Variants in ESRRG observed in about 807,000 individuals in gnomAD.
ESRRG encodes estrogen related receptor gamma.
ESRRG carries 13 observed loss-of-function variants against 44.0 expected under a neutral mutation model. The observed-to-expected ratio is 0.30, with a 90% CI of 0.19 to 0.47. ESRRG has a LOEUF of 0.47. Among genes scored for constraint, ESRRG ranks in the 20% least tolerant of loss-of-function variants. The pLI is 1.00. For synonymous variants in ESRRG, 215 were observed against 214.6 expected, an observed-to-expected ratio of 1.00 and a Z score of -0.02; for missense variants, 395 against 580.6, an observed-to-expected ratio of 0.68 and a Z score of 3.29.
In ESRRG at chr1:216,564,259, T is replaced by C; in HGVS notation, c.822A>G (p.Arg274=). The C allele has an allele frequency of 6.3e-7, 1 of 1,587,428 alleles. No homozygotes were observed. The highest frequency in any genetic ancestry group is 8.6e-7 in the Non-Finnish European group (1 of 1,167,466). The change falls in exon 5 of 7, where the codon CGA becomes CGG. Residue 274 remains arginine (R), a synonymous_variant. Transcript: ENST00000408911. ...CCCATCCAATGATAACCACCAACTC[T>C]CGGTCGGCCAAGTCACACAGTGTAG... ...ALTTLCDLAD[R]ELVVIIGWAK...
intron 1 of ESRRG, among the ~76,000 whole-genome samples, chr1:217,128,873 T>TA (rs1434870132): frequency 2.6e-5 from 4 of 152,132 alleles, no homozygotes; most frequent in Non-Finnish European, 2.9e-5. Context: ...TCTTTATTGT[T>TA]AAAAATAACT....
chr1:216,862,537 C>T (rs1577358704), intron 2 of ESRRG: 1 of 152,174 alleles, frequency 6.6e-6, no homozygotes, highest in Non-Finnish European at 1.5e-5. Context: ...GTAGCTTATA[C>T]AATTTGATGG....
At chr1:216,873,844 A>T (rs2096296051) in intron 2 of ESRRG, among the ~76,000 whole-genome samples, 1 of 143,586 alleles carries the variant, frequency 7.0e-6, no homozygotes, top group African/African-American at 2.6e-5. Flanking sequence ...GGTGCAAGGA[A>T]CAGAGAAAAA....
chr1:216,522,374 G>T (rs1306455614), intron 5 of ESRRG, among the ~76,000 whole-genome samples: 1 of 144,986 alleles, frequency 6.9e-6, no homozygotes, highest in Non-Finnish European at 1.5e-5. Flanking sequence ...GCTGATTAAA[G>T]GAAGTATACT....
At chr1:216,518,114 G>T (rs961754133) in intron 6 of ESRRG, among the ~76,000 whole-genome samples, 2 of 152,068 alleles carry the variant, frequency 1.3e-5, no homozygotes, top group Non-Finnish European at 2.9e-5. Flanking sequence ...TCACAAAGTC[G>T]TCATCCACAA....
intron 3 of ESRRG, among the ~76,000 whole-genome samples, chr1:216,644,201 T>C (rs1480595870): frequency 6.6e-6 from 1 of 152,278 alleles, no homozygotes; most frequent in Admixed American, 6.5e-5. Context: ...CTTAATACCA[T>C]GTATTGTCTC....
intron 3 of ESRRG, among the ~76,000 whole-genome samples, chr1:216,641,250 A>T (rs1266042785): frequency 6.6e-6 from 1 of 152,228 alleles, no homozygotes; most frequent in African/African-American, 2.4e-5. Flanking sequence ...GCAACTGTTT[A>T]GTTCACATCA....
chr1:216,811,485 G>A lies in ESRRG; in HGVS notation c.-14+128097C>T, dbSNP rs371236518. Among the ~76,000 whole-genome samples the A allele has an allele frequency of 4.6e-5, 7 of 151,998 alleles. No individual in the cohort carries two copies. In the East Asian group the frequency reaches 5.8e-4, roughly 13 times the overall value. ...TCCTATTGGTCATTTATGTAAGTAC[G>A]CGCACTTGCAAAAAATAAAATAAAC... On this transcript the variant is annotated intron_variant, in intron 2 of 7. Coordinates refer to the ESRRG transcript ENST00000359162.
intron 2 of ESRRG, among the ~76,000 whole-genome samples, chr1:216,663,263 A>C (rs1406312008): frequency 6.6e-6 from 1 of 152,148 alleles, no homozygotes. Context: ...GCAGGGGAAA[A>C]AAAGTACACT....
chr1:216,503,817 T>C lies in ESRRG; in HGVS notation c.*3122A>G, dbSNP rs2040752991. ...AACTACAAGGAGTCACACAATCATATTGCTTTAAATAAGAACGAACCTAAA... is the reference window on the plus strand; with the variant it reads ...AACTACAAGGAGTCACACAATCATACTGCTTTAAATAAGAACGAACCTAAA... On this transcript the variant is annotated 3_prime_UTR_variant, in exon 7 of 7. Coordinates refer to ENST00000408911, the MANE Select transcript of ESRRG (RefSeq NM_001438.4). 6.6e-6 allele frequency: 1 copy of C among 152,592 alleles called. No individual in the cohort carries two copies. The highest frequency in any genetic ancestry group is 1.5e-5 in the Non-Finnish European group (1 of 68,004). 9.5% of individuals were successfully genotyped at this position (152,592 alleles called of 1,614,324 possible). A position where few individuals can be genotyped will look rare whatever the true frequency, so the allele number is the denominator to read the frequency against.
At chr1:217,116,386 G>A (rs1309719267) in intron 1 of ESRRG, among the ~76,000 whole-genome samples, 2 of 152,130 alleles carry the variant, frequency 1.3e-5, no homozygotes, top group East Asian at 1.9e-4. Flanking sequence ...TAAGAAGAGA[G>A]CTCCTGTAGC....
chr1:216,775,551 CTTTTTTTTTTTTTTTTTTTTTTT>C lies in ESRRG; in HGVS notation c.-13-98083_-13-98061del, dbSNP rs71163765. Among the ~76,000 whole-genome samples, 45 of 74,828 alleles carry C rather than the reference CTTTTTTTTTTTTTTTTTTTTTTT, an allele frequency of 6.0e-4. 1 individual carries two copies. The highest frequency in any genetic ancestry group is 1.5e-3 in the South Asian group (3 of 2,034). 49.1% of individuals were successfully genotyped at this position (74,828 alleles called of 152,430 possible). A position where few individuals can be genotyped will look rare whatever the true frequency, so the allele number is the denominator to read the frequency against. On this transcript the variant is annotated intron_variant, in intron 2 of 7. Coordinates refer to the ESRRG transcript ENST00000359162. ...TTCCCACCTAAATAAAATGTCACAT[CTTTTTTTTTTTTTTTTTTTTTTT>C]TTTTTTTTTTTTTTTTTTAGACAGC...
At chr1:217,039,174 AG>A (rs1406390118) in intron 1 of ESRRG, among the ~76,000 whole-genome samples, 1 of 152,224 alleles carries the variant, frequency 6.6e-6, no homozygotes, top group Non-Finnish European at 1.5e-5. Flanking sequence ...ACAAGTCTCC[AG>A]GAAGTTCCAA....
intron 1 of ESRRG, among the ~76,000 whole-genome samples, chr1:217,039,806 T>C (rs1026443963): frequency 6.6e-6 from 1 of 152,240 alleles, no homozygotes; most frequent in Non-Finnish European, 1.5e-5. Context: ...TATCTCATTA[T>C]GTTCTGTTCA....
At chr1:216,535,120 G>A (rs1317296233) in intron 5 of ESRRG, among the ~76,000 whole-genome samples, 1 of 152,100 alleles carries the variant, frequency 6.6e-6, no homozygotes, top group African/African-American at 2.4e-5. Flanking sequence ...TGGTTGAAGT[G>A]ACATCAAGTC....
intron 1 of ESRRG, among the ~76,000 whole-genome samples, chr1:217,031,462 A>G (rs778548587): frequency 1.2e-4 from 18 of 152,372 alleles, no homozygotes; most frequent in Middle Eastern, 3.4e-3. Context: ...AGTAGCAGCA[A>G]TGCTTACACA....
chr1:217,081,901 C>T (rs2091795163), intron 1 of ESRRG, among the ~76,000 whole-genome samples: 1 of 152,180 alleles, frequency 6.6e-6, no homozygotes, highest in Admixed American at 6.5e-5. Context: ...GCAAAAGTGC[C>T]AATGACAGGC....
At chr1:216,647,302 T>A (rs985000637) in intron 3 of ESRRG, among the ~76,000 whole-genome samples, 6 of 152,298 alleles carry the variant, frequency 3.9e-5, no homozygotes, top group African/African-American at 1.4e-4. Flanking sequence ...CCATCATTTG[T>A]GACACTTACC....
At chr1:216,509,259 C>T (rs2042049956) in intron 6 of ESRRG, among the ~76,000 whole-genome samples, 1 of 152,310 alleles carries the variant, frequency 6.6e-6, no homozygotes, top group South Asian at 2.1e-4. Context: ...CCTATTCAAA[C>T]TCCTATCTTC....
Sources: allele counts gnomAD v4.1 joint callset (sites outside exome capture counted in the v4.1 genomes callset), GRCh38; gene constraint gnomAD v4.1.1; transcripts MANE v1.5; gene names NCBI Gene and HGNC (gene_info 2026-07-23, HGNC 2026-07-21).